The following RARS1 variants were observed in gnomAD, a reference collection of about 807,000 sequenced individuals.
RARS1 encodes the protein arginyl-tRNA synthetase 1.
In RARS1, 75 loss-of-function variants were observed where a neutral mutation model predicts 78.7. That is an observed-to-expected ratio of 0.95 (90% CI 0.79 to 1.15). RARS1 has a LOEUF of 1.15. RARS1 is among the 50% of genes most tolerant of loss of function. The pLI is 0.00. For synonymous variants in RARS1, 273 were observed against 268.2 expected (o/e 1.02, Z -0.18); for missense variants, 787 against 787.5 (o/e 1.00, Z 0.01).
intron 11 of RARS1, among the ~76,000 whole-genome samples, chr5:168,507,925 A>G (rs1758482354): frequency 6.6e-6 from 1 of 151,944 alleles, no homozygotes; most frequent in South Asian, 2.1e-4. Context: ...TGCACCTGTA[A>G]TCCCAGCTAA....
At chr5:168,511,194 A>AT (rs879528986) in intron 12 of RARS1, among the ~76,000 whole-genome samples, 188 of 143,866 alleles carry the variant, frequency 1.3e-3, no homozygotes, top group Non-Finnish European at 1.9e-3. Context: ...CAACAAGAAA[A>AT]ATTTTTTTTT....
chr5:168,514,860 C>T (rs527746736), intron 12 of RARS1, among the ~76,000 whole-genome samples: 3 of 152,274 alleles, frequency 2.0e-5, no homozygotes, highest in African/African-American at 7.2e-5. Flanking sequence ...TTCATGACCT[C>T]AACACTTCTG....
chr5:168,506,790 A>G lies in RARS1; in HGVS notation c.1305A>G (p.Arg435=). The G allele has an allele frequency of 1.9e-6, 3 of 1,613,894 alleles. No individual in the cohort carries two copies. Among genetic ancestry groups the G allele is most frequent in the Non-Finnish European group, 2.5e-6 (3 of 1,179,800 alleles). Residue 435 remains arginine (R), a synonymous_variant, in exon 11 of 15, where the codon CGA becomes CGG. Coordinates refer to ENST00000231572, the MANE Select transcript of RARS1 (RefSeq NM_002887.4). ...GTTGGTATGACCCTAAAGTAACTCG[A>G]GTCTTCCATGCTGGATTTGGTGTGG... ...MIGWYDPKVT[R]VFHAGFGVVL... is the part of the protein sequence containing the mutation.
chr5:168,504,301 G>A (rs1316999464), intron 9 of RARS1, among the ~76,000 whole-genome samples: 2 of 152,020 alleles, frequency 1.3e-5, no homozygotes, highest in East Asian at 2.0e-4. Context: ...CAAGGTGAGC[G>A]AATCACGAGG....
intron 13 of RARS1, 69 bp downstream of exon 13, chr5:168,517,019 TC>T (rs960251784): frequency 2.7e-6 from 4 of 1,482,832 alleles, no homozygotes; most frequent in Non-Finnish European, 3.7e-6. Flanking sequence ...AAAAATATTT[TC>T]TTTTTTTTTT....
intron 2 of RARS1, among the ~76,000 whole-genome samples, chr5:168,491,797 CATT>C (rs1758090729): frequency 6.6e-6 from 1 of 152,052 alleles, no homozygotes; most frequent in Non-Finnish European, 1.5e-5. Context: ...TTGTTATTGT[CATT>C]ATTTTATACT....
At chr5:168,504,749 C>T (rs1303842862) in intron 9 of RARS1, among the ~76,000 whole-genome samples, 4 of 151,834 alleles carry the variant, frequency 2.6e-5, no homozygotes, top group Non-Finnish European at 4.4e-5. Flanking sequence ...GGCGTGAACC[C>T]GGGAGGCAGA....
At chr5:168,512,423 T>C (rs2113025803) in intron 12 of RARS1, among the ~76,000 whole-genome samples, 1 of 152,348 alleles carries the variant, frequency 6.6e-6, no homozygotes, top group South Asian at 2.1e-4. Flanking sequence ...GTGACCGTTG[T>C]ATACTCCCAC....
In RARS1 at chr5:168,501,906, G is replaced by T; in HGVS notation, c.953-95G>T. 3 of 1,448,474 alleles carry T rather than the reference G, an allele frequency of 2.1e-6. No homozygotes were observed. In the Admixed American group the frequency reaches 7.9e-5, roughly 38 times the overall value. The allele number at this position is 1,448,474 out of a possible 1,614,324, so 89.7% of individuals were successfully genotyped here. A position where few individuals can be genotyped will look rare whatever the true frequency, so the allele number is the denominator to read the frequency against. The stretch of plus-strand genomic sequence containing the variant: ...TGTAATTAATTTCCTTTTAATATTT[G>T]TATTAATAAATTTATTTCAATGTAA... On this transcript the variant is annotated intron_variant, in intron 8 of 14. Coordinates refer to ENST00000231572, the MANE Select transcript of RARS1 (RefSeq NM_002887.4).
At chr5:168,491,413 G>A (rs1758080518) in intron 2 of RARS1, among the ~76,000 whole-genome samples, 1 of 152,210 alleles carries the variant, frequency 6.6e-6, no homozygotes, top group African/African-American at 2.4e-5. Context: ...TTTGGCATTT[G>A]CTGTTGGAAA....
intron 11 of RARS1, 45 bp from the exon 12 acceptor site, chr5:168,510,536 G>A (rs1312648150): frequency 2.1e-6 from 3 of 1,423,988 alleles, no homozygotes; most frequent in Non-Finnish European, 2.9e-6. Context: ...TTTCTAAGTT[G>A]AAAAGTCTGT....
intron 3 of RARS1, 42 bp from the exon 4 acceptor site, chr5:168,493,852 T>C (rs1454859341): frequency 6.6e-7 from 1 of 1,511,928 alleles, no homozygotes; most frequent in East Asian, 2.3e-5. Context: ...AGTAACTTGC[T>C]GAAATCTGTT....
At chr5:168,500,561 C>T (rs1758296834) in intron 7 of RARS1, 30 bp from the exon 8 acceptor site, 2 of 1,420,788 alleles carry the variant, frequency 1.4e-6, no homozygotes, top group African/African-American at 1.5e-5. Flanking sequence ...TTTTTACACA[C>T]CTTACTTTTT....
chr5:168,512,726 G>A (rs963452425), intron 12 of RARS1, among the ~76,000 whole-genome samples: 1 of 152,124 alleles, frequency 6.6e-6, no homozygotes, highest in African/African-American at 2.4e-5. Context: ...TTCTCTTCAC[G>A]TTTTTCTCCC....
intron 13 of RARS1, 122 bp downstream of exon 13, chr5:168,517,072 C>A: frequency 1.0e-6 from 1 of 1,002,610 alleles, no homozygotes; most frequent in Non-Finnish European, 1.5e-6. Flanking sequence ...GATCCTCCCA[C>A]CTCAGCCTCC....
In RARS1 at chr5:168,507,719, G is replaced by A. The variant is rs562845935; in HGVS notation, c.1346+888G>A. On this transcript the variant is annotated intron_variant, in intron 11 of 14. Transcript: ENST00000231572. ...CATTTTCTAATTGCGTTTCTTCTCC[G>A]TGGATCTGCGCTTTTTTGAAATCAA... Among the ~76,000 whole-genome samples, 3 of 152,252 alleles carry A rather than the reference G, an allele frequency of 2.0e-5. No individual in the cohort carries two copies. In the South Asian group the frequency reaches 6.2e-4, roughly 32 times the overall value.
At chr5:168,505,082 A>C (rs1356590522) in intron 9 of RARS1, among the ~76,000 whole-genome samples, 2 of 152,252 alleles carry the variant, frequency 1.3e-5, no homozygotes, top group African/African-American at 2.4e-5. Flanking sequence ...TCACATAGCT[A>C]ATAAGCGATA....
chr5:168,518,069 G>A lies in RARS1; in HGVS notation c.1873+7G>A. The A allele has an allele frequency of 1.5e-6, 1 of 675,708 alleles. No homozygotes were observed. The highest frequency in any genetic ancestry group is 1.9e-6 in the Non-Finnish European group (1 of 533,970). 41.9% of individuals were successfully genotyped at this position (675,708 alleles called of 1,614,324 possible). A position where few individuals can be genotyped will look rare whatever the true frequency, so the allele number is the denominator to read the frequency against. On this transcript the variant is annotated splice_region_variant and intron_variant, in intron 14 of 14. Coordinates refer to ENST00000231572, the MANE Select transcript of RARS1 (RefSeq NM_002887.4). ...GAGAAAGATAGACAGACTGGTGAGTGTCTTTTTTTTTTTTTTTTTTTTTTT... is the reference window on the plus strand; with the variant it reads ...GAGAAAGATAGACAGACTGGTGAGTATCTTTTTTTTTTTTTTTTTTTTTTT...
intron 11 of RARS1, among the ~76,000 whole-genome samples, chr5:168,509,562 A>G (rs1758525013): frequency 1.3e-5 from 2 of 151,958 alleles, no homozygotes; most frequent in Non-Finnish European, 1.5e-5. Context: ...GCCCAGGGCA[A>G]TGCTTATTAG....
Sources: gnomAD v4.1 joint callset for allele counts (sites outside exome capture counted in the v4.1 genomes callset) on GRCh38, gnomAD v4.1.1 for gene constraint, MANE v1.5 for transcripts, NCBI Gene and HGNC (gene_info 2026-07-23, HGNC 2026-07-21) for gene names.